Variants in CFAP46 observed in about 807,000 individuals in gnomAD.
CFAP46 encodes the protein cilia- and flagella-associated protein 46.
A neutral mutation model predicts 325.7 loss-of-function variants in CFAP46; 245 were observed. The ratio of observed to expected loss-of-function variants is 0.75; its 90% confidence interval spans 0.68 to 0.84. The LOEUF is 0.84. CFAP46 is among the 40% of genes least tolerant of loss of function. The pLI, the probability that CFAP46 is intolerant of heterozygous loss-of-function variation, is 0.00. For synonymous variants in CFAP46, 1,523 were observed against 1,495.9 expected, an observed-to-expected ratio of 1.02 and a Z score of -0.42; for missense variants, 3,346 against 3,543.0, an observed-to-expected ratio of 0.94 and a Z score of 1.41.
At chr10:132,821,853 ATGTGTGCTG>A (rs1372927370) in intron 50 of CFAP46, among the ~76,000 whole-genome samples, 5 of 109,214 alleles carry the variant, frequency 4.6e-5, no homozygotes, top group Admixed American at 1.1e-4. Context: ...GTGAGCGCTG[ATGTGTGCTG>A]TGTGTGCTGT....
intron 31 of CFAP46, among the ~76,000 whole-genome samples, chr10:132,875,790 C>A (rs1179939813): frequency 6.6e-6 from 1 of 152,098 alleles, no homozygotes; most frequent in Non-Finnish European, 1.5e-5. Flanking sequence ...AACAGAATAT[C>A]TGTACAACCT....
At chr10:132,861,802 C>G (rs924798171) in intron 35 of CFAP46, among the ~76,000 whole-genome samples, 1 of 152,152 alleles carries the variant, frequency 6.6e-6, no homozygotes, top group African/African-American at 2.4e-5. Flanking sequence ...TCTGTGTGCT[C>G]GTTTGGACCT....
chr10:132,941,580 A>ACGC lies in CFAP46; in HGVS notation c.306+8_306+10dup. On this transcript the variant is annotated intron_variant, in intron 3 of 57. Coordinates refer to ENST00000368586, the MANE Select transcript of CFAP46 (RefSeq NM_001200049.3). ...AACTGTTGGGGATAAGGGGCACAGGACGCCTCTCACCAGGTTTTCTGCCGA... is the reference window on the plus strand; with the variant it reads ...AACTGTTGGGGATAAGGGGCACAGGACGCCGCCTCTCACCAGGTTTTCTGCCGA... 6.2e-7 allele frequency: 1 copy of ACGC among 1,610,478 alleles called. No homozygotes were observed. Among genetic ancestry groups the ACGC allele is most frequent in the Non-Finnish European group, 8.5e-7 (1 of 1,177,754 alleles).
At chr10:132,893,872 C>T (rs972364924) in intron 24 of CFAP46, among the ~76,000 whole-genome samples, 1 of 152,122 alleles carries the variant, frequency 6.6e-6, no homozygotes, top group Non-Finnish European at 1.5e-5. Flanking sequence ...TGCTGCAGCC[C>T]CCTGTGGGTT....
At chr10:132,851,089 A>G (rs373262862) in intron 40 of CFAP46, 28 bp downstream of exon 40, 2 of 1,612,086 alleles carry the variant, frequency 1.2e-6, no homozygotes, top group Middle Eastern at 1.8e-4. Context: ...CGCTCCCTCC[A>G]CCGGGAATCT....
rs370859599 is a variant in CFAP46 at position 132,941,767 on chromosome 10, G to A, written c.175-45C>T. The A allele has an allele frequency of 1.9e-6, 3 of 1,610,664 alleles. No individual in the cohort carries two copies. In the African/African-American group the frequency reaches 4.0e-5, roughly 22 times the overall value. ...CAGAAGATCACAGACCCGGAGGGGT[G>A]GCCTCCCTGCCCAGAAGCACCACGG... On this transcript the variant is annotated intron_variant, in intron 2 of 57. Transcript: ENST00000368586.
At chr10:132,926,879 C>G (rs1323744344) in intron 9 of CFAP46, among the ~76,000 whole-genome samples, 1 of 152,244 alleles carries the variant, frequency 6.6e-6, no homozygotes, top group African/African-American at 2.4e-5. Context: ...CGGGCCCCAC[C>G]ACCTGAGAGC....
In CFAP46 at chr10:132,922,558, G is replaced by A. The variant is rs2135615441; in HGVS notation, c.1407C>T (p.Ser469=). 2 of 1,548,086 alleles carry A rather than the reference G, an allele frequency of 1.3e-6. No individual in the cohort carries two copies. The highest frequency in any genetic ancestry group is 4.9e-5 in the East Asian group (2 of 40,918). ...GLYRDRIQMA[S]TRLRLCTTLY... ...GCGTGGTGCACAGACGCAGCCGGGTGGAGGCCATCTGGATCCTGTCCCGGT... is the reference window on the plus strand; with the variant it reads ...GCGTGGTGCACAGACGCAGCCGGGTAGAGGCCATCTGGATCCTGTCCCGGT... Residue 469 remains serine, a synonymous_variant, in exon 12 of 58, where the codon TCC becomes TCT. Transcript: ENST00000368586.
chr10:132,824,352 A>AGC (rs1392363812), intron 50 of CFAP46, among the ~76,000 whole-genome samples: 1 of 66,770 alleles, frequency 1.5e-5, no homozygotes, highest in African/African-American at 6.3e-5. Context: ...GTGCTGTGTG[A>AGC]GCGCTGATGT....
At chr10:132,911,178 C>T (rs1849535824) in intron 19 of CFAP46, among the ~76,000 whole-genome samples, 1 of 152,236 alleles carries the variant, frequency 6.6e-6, no homozygotes, top group Non-Finnish European at 1.5e-5. Flanking sequence ...TCCCCGGAGC[C>T]GGCCCCTTGT....
At position 132,913,166 on chromosome 10, in the gene CFAP46, T is replaced by A. The variant is rs757856625; in HGVS notation, c.2213A>T (p.Gln738Leu). Reference protein sequence around the residue: ...GQEIQEAWIVQNAVVYVLNHN... With the variant: ...GQEIQEAWIVLNAVVYVLNHN... ...GTTCAGGACGTAGACCACGGCGTTC[T>A]GCACAATCCACGCCTCCTGGATCTC... The change falls in exon 18 of 58, where the codon CAG (glutamine) becomes CTG (leucine). Residue 738 changes from glutamine (Q) to leucine (L), a missense_variant. By Grantham distance (113) the Gln-to-Leu change is moderately radical. Coordinates refer to ENST00000368586, the MANE Select transcript of CFAP46 (RefSeq NM_001200049.3). 4.8e-5 allele frequency: 74 copies of A among 1,550,330 alleles called. No homozygotes were observed. In the South Asian group the frequency reaches 8.8e-4, roughly 18 times the overall value.
chr10:132,917,076 C>T (rs914285591), intron 16 of CFAP46, among the ~76,000 whole-genome samples: 1 of 152,254 alleles, frequency 6.6e-6, no homozygotes, highest in Admixed American at 6.5e-5. Flanking sequence ...GCGTGGATGA[C>T]CATGTGGCAC....
Position 132,814,849 on chromosome 10 carries a change from T to TGCC in CFAP46, c.7180_7182dup (p.Gly2394dup), listed in dbSNP as rs770082358. 1 of 1,614,202 alleles carries TGCC rather than the reference T, an allele frequency of 6.2e-7. No homozygotes were observed. The highest frequency in any genetic ancestry group is 1.1e-5 in the South Asian group (1 of 91,084). ...TATCACAGGCCCCCACCCACCTTCC[T>TGCC]GCCCTTCTTCGCTAGGCTTCTCTTT... On this transcript the variant is annotated inframe_insertion, in exon 51 of 58. Transcript: ENST00000368586.
chr10:132,830,533 G>A lies in CFAP46; in HGVS notation c.7117+2825C>T, dbSNP rs372881849. Among the ~76,000 whole-genome samples, 7 of 152,336 alleles carry A rather than the reference G, an allele frequency of 4.6e-5. No homozygotes were observed. The East Asian group carries it at 7.7e-4, about 17-fold the overall frequency. On this transcript the variant is annotated intron_variant, in intron 50 of 57. Transcript: ENST00000368586. The stretch of plus-strand genomic sequence containing the variant: ...CCAGGTCATCCCTTTCTTCTTGAGC[G>A]AGTTTGGAAGTTTGGGTCTTTCGAG...
rs759031250 is a variant in CFAP46, at chr10:132,860,459, C to A, written c.5156G>T (p.Arg1719Leu). The A allele has an allele frequency of 1.3e-6, 2 of 1,551,202 alleles. No homozygotes were observed. The highest frequency in any genetic ancestry group is 1.7e-6 in the Non-Finnish European group (2 of 1,147,108). ...FKILKKERPN[R>L]LPLLEFMITD... is the part of the protein sequence containing the mutation. Reference sequence around the variant, plus strand: ...GATCATGAATTCCAGTAAAGGCAATCGGTTTGGTCTTTCTTTCTTGAGGAT... The same window carrying A: ...GATCATGAATTCCAGTAAAGGCAATAGGTTTGGTCTTTCTTTCTTGAGGAT... The change falls in exon 37 of 58, where the codon CGA (arginine) becomes CTA (leucine). Residue 1719 changes from arginine (R) to leucine (L), a missense_variant. Transcript: ENST00000368586.
At chr10:132,888,517 A>G (rs1447824888) in intron 25 of CFAP46, among the ~76,000 whole-genome samples, 1 of 8,446 alleles carries the variant, frequency 1.2e-4, no homozygotes, top group East Asian at 1.9e-3. Context: ...TGCACCTGCC[A>G]CCTTCACCCC....
intron 44 of CFAP46, among the ~76,000 whole-genome samples, chr10:132,845,056 C>T (rs1848411194): frequency 6.6e-6 from 1 of 152,192 alleles, no homozygotes; most frequent in Non-Finnish European, 1.5e-5. Context: ...CAGCTTAGAC[C>T]ACAGGCGCCC....
In CFAP46 at chr10:132,836,452, A is replaced by G. The variant is rs77959083; in HGVS notation, c.6537-234T>C. 6.9e-4 allele frequency among the ~76,000 whole-genome samples: 105 copies of G among 152,260 alleles called. No individual in the cohort carries two copies. In the East Asian group the frequency reaches 0.019, roughly 27 times the overall value. On this transcript the variant is annotated intron_variant, in intron 45 of 57. Coordinates refer to ENST00000368586, the MANE Select transcript of CFAP46 (RefSeq NM_001200049.3). ...ACCGGGCACTTGGCCACGGCCAGTG[A>G]GTTCTGTGGTCACTGCCAGAGGCAC...
At chr10:132,942,169 C>G in intron 1 of CFAP46, 65 bp from the exon 2 acceptor site, 1 of 1,537,638 alleles carries the variant, frequency 6.5e-7, no homozygotes, top group Non-Finnish European at 8.8e-7. Context: ...CCGGGCAACG[C>G]CATCCCGAAG....
Sources: gnomAD v4.1 joint callset for allele counts (sites outside exome capture counted in the v4.1 genomes callset) on GRCh38, gnomAD v4.1.1 for gene constraint, MANE v1.5 for transcripts, NCBI Gene and HGNC (gene_info 2026-07-23, HGNC 2026-07-21) for gene names.